Variants in RNF220 observed in about 807,000 individuals in gnomAD.
RNF220 encodes ring finger protein 220, also known as E3 ubiquitin-protein ligase RNF220.
In RNF220, 7 loss-of-function variants were observed where a neutral mutation model predicts 67.1. That is an observed-to-expected ratio of 0.10 (90% CI 0.06 to 0.20). RNF220 has a LOEUF of 0.20. RNF220 is among the 10% of genes least tolerant of loss of function. The pLI is 1.00. For missense variants in RNF220, 565 were observed against 740.3 expected (o/e 0.76, Z 2.75); for synonymous variants, 270 against 283.2 (o/e 0.95, Z 0.47).
chr1:44,635,296 T>C (rs1310806618), intron 6 of RNF220: 1 of 515,174 alleles, frequency 1.9e-6, no homozygotes, highest in African/African-American at 1.9e-5. Flanking sequence ...GGGTAGACCT[T>C]GCACCAGCTG....
At chr1:44,457,950 C>T (rs1009408189) in intron 2 of RNF220, among the ~76,000 whole-genome samples, 3 of 152,034 alleles carry the variant, frequency 2.0e-5, no homozygotes, top group Non-Finnish European at 2.9e-5. Flanking sequence ...ATTTTGGCTT[C>T]GGCTTCTTTA....
intron 2 of RNF220, among the ~76,000 whole-genome samples, chr1:44,414,173 ATC>A (rs1200259808): frequency 1.3e-5 from 2 of 152,048 alleles, no homozygotes; most frequent in Non-Finnish European, 2.9e-5. Context: ...GTGTCTTGTG[ATC>A]CTGCTTCTTG....
At chr1:44,533,475 A>G (rs564744841) in intron 2 of RNF220, among the ~76,000 whole-genome samples, 1 of 152,340 alleles carries the variant, frequency 6.6e-6, no homozygotes, top group Non-Finnish European at 1.5e-5. Context: ...CAACAGAGTG[A>G]GACCCCGTCT....
chr1:44,509,884 C>CAATAA (rs1557996558), intron 2 of RNF220, among the ~76,000 whole-genome samples: 1 of 80,408 alleles, frequency 1.2e-5, no homozygotes. Flanking sequence ...GAGACCCTGT[C>CAATAA]CAAAAAAAAA....
chr1:44,541,016 G>A (rs1661631854), intron 2 of RNF220, among the ~76,000 whole-genome samples: 1 of 152,184 alleles, frequency 6.6e-6, no homozygotes, highest in Admixed American at 6.5e-5. Flanking sequence ...TATTCTAGGT[G>A]TTTTCCCTTA....
At chr1:44,524,224 C>T (rs1660174317) in intron 2 of RNF220, among the ~76,000 whole-genome samples, 1 of 152,100 alleles carries the variant, frequency 6.6e-6, no homozygotes, top group South Asian at 2.1e-4. Context: ...TATGTGACAG[C>T]CCGGGCCCTC....
chr1:44,491,644 A>G (rs1456737476), intron 2 of RNF220, among the ~76,000 whole-genome samples: 7 of 152,056 alleles, frequency 4.6e-5, no homozygotes, highest in Non-Finnish European at 1.5e-5. Flanking sequence ...GATCAGGAAC[A>G]AGACAAGGAT....
At chr1:44,595,258 C>T (rs935487288) in intron 2 of RNF220, among the ~76,000 whole-genome samples, 1 of 152,174 alleles carries the variant, frequency 6.6e-6, no homozygotes, top group Non-Finnish European at 1.5e-5. Flanking sequence ...CCCAACACCT[C>T]GGCCGGCTCC....
At chr1:44,481,735 AAT>A (rs1428196123) in intron 2 of RNF220, among the ~76,000 whole-genome samples, 1 of 152,256 alleles carries the variant, frequency 6.6e-6, no homozygotes, top group African/African-American at 2.4e-5. Context: ...GAGGATGTGG[AAT>A]CAAGAGAGAG....
At chr1:44,407,360 T>C (rs1647450158) in intron 1 of RNF220, among the ~76,000 whole-genome samples, 1 of 152,140 alleles carries the variant, frequency 6.6e-6, no homozygotes. Context: ...GCAGGGGGGC[T>C]TTGCCTTGCC....
intron 2 of RNF220, among the ~76,000 whole-genome samples, chr1:44,443,952 A>C (rs551045075): frequency 2.0e-5 from 3 of 152,128 alleles, no homozygotes; most frequent in Admixed American, 6.5e-5. Context: ...TTAGCCGAAC[A>C]TGTTGGCGCA....
chr1:44,625,486 G>A (rs1365138896), intron 4 of RNF220, among the ~76,000 whole-genome samples: 18 of 152,152 alleles, frequency 1.2e-4, no homozygotes, highest in Admixed American at 1.2e-3. Context: ...TGTCACTGGC[G>A]ATTTGGCATG....
At chr1:44,596,822 C>G (rs58422299) in intron 2 of RNF220, among the ~76,000 whole-genome samples, 4 of 152,122 alleles carry the variant, frequency 2.6e-5, no homozygotes, top group South Asian at 4.1e-4. Flanking sequence ...CCCTCTAGTC[C>G]GCTCTCAACT....
chr1:44,586,598 G>T (rs1450800723), intron 2 of RNF220, among the ~76,000 whole-genome samples: 1 of 152,204 alleles, frequency 6.6e-6, no homozygotes, highest in Non-Finnish European at 1.5e-5. Context: ...ACAGGTCCTT[G>T]TTCCAGGAGG....
chr1:44,513,347 C>T (rs947929688), intron 2 of RNF220, among the ~76,000 whole-genome samples: 2 of 152,178 alleles, frequency 1.3e-5, no homozygotes, highest in Admixed American at 6.5e-5. Context: ...GGCTGCCTCC[C>T]GCATGCTTGC....
chr1:44,644,464 A>G, intron 8 of RNF220: 1 of 508,180 alleles, frequency 2.0e-6, no homozygotes, highest in Non-Finnish European at 3.5e-6. Flanking sequence ...CTAGTTTATG[A>G]GCAGAGACCA....
chr1:44,457,413 G>C (rs1286875732), intron 2 of RNF220, among the ~76,000 whole-genome samples: 1 of 152,104 alleles, frequency 6.6e-6, no homozygotes, highest in African/African-American at 2.4e-5. Flanking sequence ...ATTAGAGAGG[G>C]AGTGAAGATA....
At position 44,651,249 on chromosome 1, in the gene RNF220, A is replaced by C. The variant is rs2148523610; in HGVS notation, c.*474A>C. On this transcript the variant is annotated 3_prime_UTR_variant, in exon 15 of 15. Coordinates refer to ENST00000361799, the MANE Select transcript of RNF220 (RefSeq NM_018150.4). ...TGTATGATTTTCTTCTTTTTTAAGA[A>C]CCCCTGGAAGCAGCGCCTCCTTCAG... 2 of 178,144 alleles carry C rather than the reference A, an allele frequency of 1.1e-5. No individual in the cohort carries two copies. The highest frequency in any genetic ancestry group is 2.4e-5 in the Non-Finnish European group (2 of 81,806). The allele number at this position is 178,144 out of a possible 1,614,324, so 11.0% of individuals were successfully genotyped here. A position where few individuals can be genotyped will look rare whatever the true frequency, so the allele number is the denominator to read the frequency against.
At chr1:44,476,336 A>G (rs1274897681) in intron 2 of RNF220, among the ~76,000 whole-genome samples, 1 of 152,200 alleles carries the variant, frequency 6.6e-6, no homozygotes, top group East Asian at 1.9e-4. Context: ...CACGTAACTC[A>G]TATATAATGT....
Sources: gnomAD v4.1 joint callset for allele counts (sites outside exome capture counted in the v4.1 genomes callset) on GRCh38, gnomAD v4.1.1 for gene constraint, MANE v1.5 for transcripts, NCBI Gene and HGNC (gene_info 2026-07-23, HGNC 2026-07-21) for gene names.